Variants in DOK5 observed in about 807,000 individuals in gnomAD.
The protein encoded by DOK5 is downstream of tyrosine kinase 5.
DOK5 carries 27 observed loss-of-function variants against 43.3 expected under a neutral mutation model. That is an observed-to-expected ratio of 0.62 (90% CI 0.46 to 0.86). The LOEUF (loss-of-function observed/expected upper bound fraction) is 0.86, where lower values mean the gene tolerates loss of function less well. Ranked by LOEUF, DOK5 falls within the 40% of genes least tolerant of loss-of-function variation. The pLI, the probability that DOK5 is intolerant of heterozygous loss-of-function variation, is 0.00. For missense variants in DOK5, 373 were observed against 392.9 expected, an observed-to-expected ratio of 0.95 and a Z score of 0.43; for synonymous variants, 146 against 140.1, an observed-to-expected ratio of 1.04 and a Z score of -0.30.
intron 2 of DOK5, among the ~76,000 whole-genome samples, chr20:54,568,362 C>G (rs1985162285): frequency 6.6e-6 from 1 of 152,174 alleles, no homozygotes; most frequent in Non-Finnish European, 1.5e-5. Context: ...TGCATAAACA[C>G]TTAAACATAA....
Position 54,557,427 on chromosome 20 carries a change from A to T in DOK5, c.174+2387A>T, listed in dbSNP as rs181033857. On this transcript the variant is annotated intron_variant, in intron 2 of 7. Coordinates refer to ENST00000262593, the MANE Select transcript of DOK5 (RefSeq NM_018431.5). The stretch of plus-strand genomic sequence containing the variant: ...CTATGAGAATCAGGAGGTGGAGCTC[A>T]GGCAGGAATGCTTGCTCACCTTCTG... Among the ~76,000 whole-genome samples the T allele has an allele frequency of 2.0e-5, 3 of 152,290 alleles. No individual in the cohort carries two copies. In the East Asian group the frequency reaches 5.8e-4, roughly 29 times the overall value.
intron 6 of DOK5, among the ~76,000 whole-genome samples, chr20:54,625,661 G>A (rs1054722903): frequency 6.6e-6 from 1 of 152,154 alleles, no homozygotes; most frequent in African/African-American, 2.4e-5. Flanking sequence ...ACAAAGTGTG[G>A]ATTATATTAG....
chr20:54,518,259 C>T (rs921293394), intron 1 of DOK5, among the ~76,000 whole-genome samples: 5 of 152,004 alleles, frequency 3.3e-5, no homozygotes, highest in East Asian at 1.9e-4. Context: ...TATCTCCTAA[C>T]GTTATCCCTC....
chr20:54,583,698 AC>A, intron 2 of DOK5, among the ~76,000 whole-genome samples: 1 of 151,986 alleles, frequency 6.6e-6, no homozygotes, highest in Non-Finnish European at 1.5e-5. Flanking sequence ...AAGTATTGCC[AC>A]CCCTACTCTT....
intron 6 of DOK5, among the ~76,000 whole-genome samples, chr20:54,622,563 A>G (rs1458217609): frequency 2.0e-5 from 3 of 152,162 alleles, no homozygotes; most frequent in Non-Finnish European, 4.4e-5. Flanking sequence ...CTATGCCTCT[A>G]TTGGAAAAGG....
chr20:54,595,079 T>G (rs143583175), intron 5 of DOK5, among the ~76,000 whole-genome samples: 4 of 152,110 alleles, frequency 2.6e-5, no homozygotes, highest in African/African-American at 2.4e-5. Flanking sequence ...TGGTGGCTCA[T>G]GCCTGTAATC....
intron 7 of DOK5, 136 bp from the exon 8 acceptor site, chr20:54,650,278 AT>A: frequency 1.4e-6 from 1 of 698,492 alleles, no homozygotes; most frequent in Admixed American, 2.5e-5. Context: ...TTTACATATC[AT>A]CCTGAGAGGC....
chr20:54,513,194 A>G (rs1219812468), intron 1 of DOK5, among the ~76,000 whole-genome samples: 1 of 152,150 alleles, frequency 6.6e-6, no homozygotes, highest in Non-Finnish European at 1.5e-5. Flanking sequence ...TTGAGCAGTC[A>G]TCTTGGAACT....
chr20:54,571,786 G>A (rs939443063), intron 2 of DOK5, among the ~76,000 whole-genome samples: 3 of 152,070 alleles, frequency 2.0e-5, no homozygotes, highest in Middle Eastern at 3.2e-3. Flanking sequence ...TGAGTGCAGC[G>A]TACCAGCCCC....
In DOK5 at chr20:54,611,954, C is replaced by T. The variant is rs557158384; in HGVS notation, c.735+1431C>T. On this transcript the variant is annotated intron_variant, in intron 6 of 7. Transcript: ENST00000262593. ...GTAAAGAGACAGTAAATGTTTTATG[C>T]TTTGTGGACTAACATGGCCTGCAAG... 4.6e-5 allele frequency among the ~76,000 whole-genome samples: 7 copies of T among 152,296 alleles called. No individual in the cohort carries two copies. The South Asian group carries it at 1.2e-3, about 27-fold the overall frequency.
At chr20:54,621,019 T>C (rs1274721497) in intron 6 of DOK5, among the ~76,000 whole-genome samples, 3 of 152,230 alleles carry the variant, frequency 2.0e-5, no homozygotes, top group Non-Finnish European at 4.4e-5. Context: ...GATTCATGTA[T>C]AGTAATGACC....
At chr20:54,513,587 GA>G (rs1268408389) in intron 1 of DOK5, among the ~76,000 whole-genome samples, 3 of 151,110 alleles carry the variant, frequency 2.0e-5, no homozygotes, top group Non-Finnish European at 4.4e-5. Context: ...AAGTAATTCA[GA>G]AGTGTGTCAC....
In DOK5 at chr20:54,588,709, C is replaced by G. The variant is rs763208647; in HGVS notation, c.312C>G (p.Cys104Trp). Residue 104 changes from cysteine to tryptophan, a missense_variant, in exon 4 of 8, where the codon TGC (cysteine) becomes TGG (tryptophan). Transcript: ENST00000262593. ...CESDLEADEW[C>W]KVLQMECVGT... ...CAGATCTTGAGGCTGATGAGTGGTGCAAAGTACTCCAGATGGAGTGTGTAG... is the reference window on the plus strand; with the variant it reads ...CAGATCTTGAGGCTGATGAGTGGTGGAAAGTACTCCAGATGGAGTGTGTAG... 4.3e-6 allele frequency: 7 copies of G among 1,613,940 alleles called. No individual in the cohort carries two copies. Among genetic ancestry groups the G allele is most frequent in the Non-Finnish European group, 5.9e-6 (7 of 1,179,998 alleles).
chr20:54,630,921 T>C (rs1349004866), intron 6 of DOK5, among the ~76,000 whole-genome samples: 4 of 152,098 alleles, frequency 2.6e-5, no homozygotes, highest in Non-Finnish European at 4.4e-5. Context: ...GGTCCCAGGA[T>C]GAAAATTGTG....
intron 1 of DOK5, among the ~76,000 whole-genome samples, chr20:54,492,958 G>A (rs1368596748): frequency 6.6e-6 from 1 of 151,176 alleles, no homozygotes; most frequent in African/African-American, 2.4e-5. Context: ...GAAAGGCTGA[G>A]GCAGGAGAAT....
At position 54,476,205 on chromosome 20, in the gene DOK5, T is replaced by G. The variant is rs574669896; in HGVS notation, c.66+193T>G. Reference sequence around the variant, plus strand: ...GTCTAGGTATGTAATGGATCTATCTTTATCTCTTGGATGACTTGGCTTTCT... The same window carrying G: ...GTCTAGGTATGTAATGGATCTATCTGTATCTCTTGGATGACTTGGCTTTCT... On this transcript the variant is annotated intron_variant, in intron 1 of 7. Coordinates refer to ENST00000262593, the MANE Select transcript of DOK5 (RefSeq NM_018431.5). 10 of 985,388 alleles carry G rather than the reference T, an allele frequency of 1.0e-5. No homozygotes were observed. In the Admixed American group the frequency reaches 6.1e-4, roughly 61 times the overall value. The allele number at this position is 985,388 out of a possible 1,614,324, so 61.0% of individuals were successfully genotyped here.
chr20:54,560,396 T>A (rs1039757120), intron 2 of DOK5, among the ~76,000 whole-genome samples: 1 of 152,234 alleles, frequency 6.6e-6, no homozygotes, highest in Non-Finnish European at 1.5e-5. Context: ...AATTAAATGA[T>A]GGATTATTAC....
chr20:54,605,656 G>A (rs919658161), intron 5 of DOK5, among the ~76,000 whole-genome samples: 5 of 152,238 alleles, frequency 3.3e-5, no homozygotes, highest in Admixed American at 3.3e-4. Flanking sequence ...GTTGCTCAAG[G>A]AAGCCTGGGT....
At chr20:54,581,881 A>T (rs1385818079) in intron 2 of DOK5, among the ~76,000 whole-genome samples, 1 of 151,852 alleles carries the variant, frequency 6.6e-6, no homozygotes, top group Non-Finnish European at 1.5e-5. Context: ...GATGCCTTTT[A>T]CTTCTCTTTC....
Sources: allele counts gnomAD v4.1 joint callset (sites outside exome capture counted in the v4.1 genomes callset), GRCh38; gene constraint gnomAD v4.1.1; transcripts MANE v1.5; gene names NCBI Gene and HGNC (gene_info 2026-07-23, HGNC 2026-07-21).